Variants in AGAP1 observed in about 807,000 individuals in gnomAD.
The protein encoded by AGAP1 is arf-GAP with GTPase, ANK repeat and PH domain-containing protein 1.
A neutral mutation model predicts 105.3 loss-of-function variants in AGAP1; 29 were observed. The ratio of observed to expected loss-of-function variants is 0.28; its 90% CI spans 0.21 to 0.38. AGAP1 has a LOEUF of 0.38. Among genes scored for constraint, AGAP1 ranks in the 10% least tolerant of loss-of-function variants. The pLI is 1.00. For synonymous variants in AGAP1, 509 were observed against 485.9 expected (o/e 1.05, Z -0.63); for missense variants, 998 against 1,165.1 (o/e 0.86, Z 2.09).
At chr2:235,860,007 C>G (rs761324729) in intron 9 of AGAP1, among the ~76,000 whole-genome samples, 37 of 152,220 alleles carry the variant, frequency 2.4e-4, no homozygotes, top group Non-Finnish European at 1.9e-4. Context: ...CCCCTCCCAG[C>G]CCAGTCTCAT....
intron 6 of AGAP1, among the ~76,000 whole-genome samples, chr2:235,782,094 A>T (rs1956298833): frequency 6.6e-6 from 1 of 152,244 alleles, no homozygotes; most frequent in African/African-American, 2.4e-5. Context: ...GAAGGCCTGC[A>T]GCCCAGGAGA....
intron 2 of AGAP1, among the ~76,000 whole-genome samples, chr2:235,715,316 C>G (rs940361383): frequency 6.6e-6 from 1 of 152,138 alleles, no homozygotes; most frequent in African/African-American, 2.4e-5. Context: ...TGTCTTGGCC[C>G]GTATCCAGAG....
chr2:235,803,717 A>G (rs556822050), intron 8 of AGAP1, among the ~76,000 whole-genome samples: 1 of 152,356 alleles, frequency 6.6e-6, no homozygotes, highest in Admixed American at 6.5e-5. Context: ...GCATATATTC[A>G]TATACAATTT....
At position 235,842,447 on chromosome 2, in the gene AGAP1, G is replaced by A. The variant is rs531504541; in HGVS notation, c.1050+35116G>A. On this transcript the variant is annotated intron_variant, in intron 9 of 17. Transcript: ENST00000304032. The surrounding 1 kb of genome is among the most constrained non-coding windows in gnomAD (Gnocchi z 5.3). The stretch of plus-strand genomic sequence containing the variant: ...GGTTGTTTTCTCTGGTCACCGTTTG[G>A]CAATGGAAGGTACTAGGTCTGCCAC... Among the ~76,000 whole-genome samples, 81 of 152,288 alleles carry A rather than the reference G, an allele frequency of 5.3e-4. No individual in the cohort carries two copies. Among genetic ancestry groups the A allele is most frequent in the South Asian group, 1.5e-3 (7 of 4,824 alleles).
intron 2 of AGAP1, among the ~76,000 whole-genome samples, chr2:235,710,834 C>G (rs1286056975): frequency 1.3e-5 from 2 of 152,194 alleles, no homozygotes; most frequent in African/African-American, 2.4e-5. Context: ...GGGCACGGAA[C>G]AGTAGTCACG....
rs1020664936 is a variant in AGAP1 at position 235,550,695 on chromosome 2, C to T, written c.163+55846C>T. 3.9e-5 allele frequency among the ~76,000 whole-genome samples: 6 copies of T among 152,298 alleles called. No homozygotes were observed. Among genetic ancestry groups the T allele is most frequent in the South Asian group, 2.1e-4 (1 of 4,830 alleles). On this transcript the variant is annotated intron_variant, in intron 1 of 17. Coordinates refer to ENST00000304032, the MANE Select transcript of AGAP1 (RefSeq NM_001037131.3). The surrounding 1 kb of genome is among the most constrained non-coding windows in gnomAD (Gnocchi z 4.6). ...GGCGTGGGGATCTCCGGGCATGATG[C>T]GGAATGTAGTGACGATCGCAAATCC...
chr2:235,800,683 G>A (rs1419871383), intron 8 of AGAP1, among the ~76,000 whole-genome samples: 1 of 152,208 alleles, frequency 6.6e-6, no homozygotes, highest in Non-Finnish European at 1.5e-5. Flanking sequence ...TGCTCTCCAA[G>A]GACATTTGGC....
chr2:235,785,721 T>G (rs1454261526), intron 6 of AGAP1, among the ~76,000 whole-genome samples: 3 of 152,386 alleles, frequency 2.0e-5, no homozygotes, highest in South Asian at 2.1e-4. Context: ...TATCATGTTG[T>G]TGGTGGTACC....
In AGAP1 at chr2:236,058,953, C is replaced by T. The variant is rs1345940516; in HGVS notation, c.2114+9672C>T. On this transcript the variant is annotated intron_variant, in intron 16 of 17. Coordinates refer to ENST00000304032, the MANE Select transcript of AGAP1 (RefSeq NM_001037131.3). The surrounding 1 kb of genome is among the most constrained non-coding windows in gnomAD (Gnocchi z 4.6). Reference sequence around the variant, plus strand: ...GCTCAGGCAGGAGGATTGCTTGAGCCCAGGATTTCAAGGCTGCAGTGGGCC... The same window carrying T: ...GCTCAGGCAGGAGGATTGCTTGAGCTCAGGATTTCAAGGCTGCAGTGGGCC... Among the ~76,000 whole-genome samples, 1 of 152,044 alleles carries T rather than the reference C, an allele frequency of 6.6e-6. No homozygotes were observed. Among genetic ancestry groups the T allele is most frequent in the Admixed American group, 6.6e-5 (1 of 15,264 alleles).
At chr2:235,918,988 C>T (rs542580135) in intron 11 of AGAP1, among the ~76,000 whole-genome samples, 1 of 152,032 alleles carries the variant, frequency 6.6e-6, no homozygotes, top group Non-Finnish European at 1.5e-5. Flanking sequence ...AACAGGTGTG[C>T]CTACAAGTAA....
At chr2:235,996,915 G>GA (rs1395664217) in intron 13 of AGAP1, among the ~76,000 whole-genome samples, 1 of 152,062 alleles carries the variant, frequency 6.6e-6, no homozygotes, top group African/African-American at 2.4e-5. Flanking sequence ...TAATTTATCA[G>GA]AAAAAATAAT....
chr2:235,914,372 C>T (rs149574640), intron 11 of AGAP1, among the ~76,000 whole-genome samples: 99 of 152,128 alleles, frequency 6.5e-4, no homozygotes, highest in Middle Eastern at 3.4e-3. Flanking sequence ...GAGGACAAGA[C>T]GTCTCTCCAG....
rs1394374026 is a variant in AGAP1, at chr2:235,951,515, A to T, written c.1484-16947A>T. Among the ~76,000 whole-genome samples the T allele has an allele frequency of 6.6e-6, 1 of 152,178 alleles. No homozygotes were observed. The highest frequency in any genetic ancestry group is 1.5e-5 in the Non-Finnish European group (1 of 68,034). On this transcript the variant is annotated intron_variant, in intron 12 of 17. Transcript: ENST00000304032. This position sits in a 1 kb window ranked among gnomAD's most constrained non-coding sequence, Gnocchi z 4.2. ...CTTTGTTCTTCTCGTTATTTTTGGA[A>T]TGATTGCAGGGTTGGTTTAAGATTG...
intron 16 of AGAP1, among the ~76,000 whole-genome samples, chr2:236,098,094 A>G (rs2059240224): frequency 6.6e-6 from 1 of 152,192 alleles, no homozygotes; most frequent in Non-Finnish European, 1.5e-5. Flanking sequence ...GTCAATGAAC[A>G]CTTCTGTTTC....
Position 235,599,923 on chromosome 2 carries a change from A to G in AGAP1, c.163+105074A>G, listed in dbSNP as rs748550613. Among the ~76,000 whole-genome samples, 3 of 152,230 alleles carry G rather than the reference A, an allele frequency of 2.0e-5. No individual in the cohort carries two copies. The highest frequency in any genetic ancestry group is 2.9e-5 in the Non-Finnish European group (2 of 68,042). Reference sequence around the variant, plus strand: ...AAAATAATTTCTGAGAAACTGACTCAGGGAAGTGCCTGTGTTCAGGGCGGA... The same window carrying G: ...AAAATAATTTCTGAGAAACTGACTCGGGGAAGTGCCTGTGTTCAGGGCGGA... On this transcript the variant is annotated intron_variant, in intron 1 of 17. Coordinates refer to ENST00000304032, the MANE Select transcript of AGAP1 (RefSeq NM_001037131.3). The surrounding 1 kb of genome is among the most constrained non-coding windows in gnomAD (Gnocchi z 5.3).
intron 1 of AGAP1, among the ~76,000 whole-genome samples, chr2:235,630,458 G>A (rs184799511): frequency 2.0e-4 from 31 of 152,240 alleles, no homozygotes; most frequent in African/African-American, 6.3e-4. Flanking sequence ...TGATCCACCT[G>A]CCTCGGCCTC....
intron 16 of AGAP1, among the ~76,000 whole-genome samples, chr2:236,070,414 A>T (rs1299076047): frequency 1.3e-5 from 2 of 152,132 alleles, no homozygotes; most frequent in African/African-American, 2.4e-5. Flanking sequence ...TTACGGGGCT[A>T]CTCTGTGGCC....
At chr2:235,758,486 C>A (rs1237857452) in intron 6 of AGAP1, among the ~76,000 whole-genome samples, 2 of 151,926 alleles carry the variant, frequency 1.3e-5, no homozygotes, top group Non-Finnish European at 2.9e-5. Flanking sequence ...GGCTGTGCAC[C>A]TGTACTCATC....
At position 236,014,983 on chromosome 2, in the gene AGAP1, G is replaced by T. The variant is rs1311364825; in HGVS notation, c.1646-21578G>T. The T allele has an allele frequency of 9.7e-6, 3 of 308,202 alleles. No individual in the cohort carries two copies. Among genetic ancestry groups the T allele is most frequent in the Non-Finnish European group, 2.0e-5 (3 of 149,502 alleles). The allele number at this position is 308,202 out of a possible 1,614,324, so 19.1% of individuals were successfully genotyped here. On this transcript the variant is annotated intron_variant, in intron 13 of 17. Coordinates refer to ENST00000304032, the MANE Select transcript of AGAP1 (RefSeq NM_001037131.3). The surrounding 1 kb of genome is among the most constrained non-coding windows in gnomAD (Gnocchi z 6.3). ...CAACACAGGCATGGAAATGCAATTT[G>T]CCCAAAGCCGCATGCTCCCTTATTG...
Sources: gnomAD v4.1 joint callset for allele counts (sites outside exome capture counted in the v4.1 genomes callset) on GRCh38, gnomAD v4.1.1 for gene constraint, Gnocchi (gnomAD v3.1) non-coding constraint, MANE v1.5 for transcripts, NCBI Gene and HGNC (gene_info 2026-07-23, HGNC 2026-07-21) for gene names.